Variants in GRIP2 observed in about 807,000 individuals in gnomAD.
The protein encoded by GRIP2 is glutamate receptor-interacting protein 2.
GRIP2 carries 58 observed loss-of-function variants against 108.3 expected under a neutral mutation model. The ratio of observed to expected loss-of-function variants is 0.54; its 90% CI spans 0.43 to 0.67. The LOEUF (loss-of-function observed/expected upper bound fraction) is 0.67, where lower values mean the gene tolerates loss of function less well. Among genes scored for constraint, GRIP2 ranks in the 30% least tolerant of loss-of-function variants. GRIP2 has a pLI of 0.00. For missense variants in GRIP2, 1,278 were observed against 1,430.6 expected (o/e 0.89, Z 1.72); for synonymous variants, 586 against 598.2 (o/e 0.98, Z 0.30).
intron 9 of GRIP2, among the ~76,000 whole-genome samples, chr3:14,519,057 GA>G (rs1203527765): frequency 6.6e-6 from 1 of 152,238 alleles, no homozygotes; most frequent in African/African-American, 2.4e-5. Flanking sequence ...GAGGTGTCAT[GA>G]GGAAGTAATG....
the GRIP2 span, among the ~76,000 whole-genome samples, chr3:14,568,230 G>A: frequency 6.6e-6 from 1 of 152,222 alleles, no homozygotes; most frequent in Non-Finnish European, 1.5e-5. Context: ...GCAGGGGAGG[G>A]ACAGACTGAG....
intron 22 of GRIP2, among the ~76,000 whole-genome samples, chr3:14,495,598 G>T (rs1574985702): frequency 6.6e-6 from 1 of 152,004 alleles, no homozygotes; most frequent in South Asian, 2.1e-4. Flanking sequence ...GTAGAGGCAG[G>T]GTTTCACCAT....
chr3:14,571,650 C>T, the GRIP2 span, among the ~76,000 whole-genome samples: 10 of 152,168 alleles, frequency 6.6e-5, 1 homozygote, highest in Non-Finnish European at 4.4e-5. Flanking sequence ...GAACCGTCAC[C>T]TGGCAGGGGA....
chr3:14,560,475 C>T (rs1695301560), upstream of GRIP2, among the ~76,000 whole-genome samples: 1 of 152,098 alleles, frequency 6.6e-6, no homozygotes, highest in South Asian at 2.1e-4. Flanking sequence ...CCAAAGCAGA[C>T]CAAGTAGCCT....
At chr3:14,586,667 T>C in the GRIP2 span, among the ~76,000 whole-genome samples, 1 of 152,154 alleles carries the variant, frequency 6.6e-6, no homozygotes, top group African/African-American at 2.4e-5. Flanking sequence ...AAATGACAAG[T>C]GTAAGAAATA....
rs1176870428 is a variant in GRIP2 at position 14,496,473 on chromosome 3, C to T, written c.2767G>A (p.Ala923Thr). Residue 923 changes from alanine (A) to threonine (T), a missense_variant, in exon 22 of 24, where the codon GCC becomes ACC. Coordinates refer to ENST00000621039, the MANE Select transcript of GRIP2 (RefSeq NM_001080423.4). ...RPWQRGREVRASPAEMEELLL... is the reference protein window; with the variant it reads ...RPWQRGREVRTSPAEMEELLL... ...AGCTCCTCCATTTCTGCAGGAGAGG[C>T]TCGTACCTCCCGGCCCCTCTGCCAA... 1 of 1,612,286 alleles carries T rather than the reference C, an allele frequency of 6.2e-7. No individual in the cohort carries two copies. Among genetic ancestry groups the T allele is most frequent in the Non-Finnish European group, 8.5e-7 (1 of 1,179,364 alleles).
chr3:14,568,075 G>C, the GRIP2 span, among the ~76,000 whole-genome samples: 1 of 152,224 alleles, frequency 6.6e-6, no homozygotes, highest in East Asian at 1.9e-4. Context: ...AAGGATGTCA[G>C]TGGGGTCCCA....
the GRIP2 span, among the ~76,000 whole-genome samples, chr3:14,565,963 C>A: frequency 2.0e-5 from 3 of 152,362 alleles, no homozygotes; most frequent in Admixed American, 6.5e-5. Flanking sequence ...TTGCTAGTGG[C>A]AGGGCCATCT....
At chr3:14,495,121 C>T in intron 22 of GRIP2, 132 bp from the exon 23 acceptor site, 2 of 1,186,888 alleles carry the variant, frequency 1.7e-6, no homozygotes, top group Non-Finnish European at 2.4e-6. Context: ...AGCACCCCAG[C>T]CTCTTGCCCC....
At position 14,511,424 on chromosome 3, in the gene GRIP2, G is replaced by A. The variant is rs200349691; in HGVS notation, c.1776C>T (p.Ser592=). The A allele has an allele frequency of 2.2e-4, 351 of 1,613,936 alleles. No individual in the cohort carries two copies. Among genetic ancestry groups the A allele is most frequent in the Non-Finnish European group, 2.6e-4 (305 of 1,179,876 alleles). The change falls in exon 15 of 24, where the codon AGC becomes AGT. Residue 592 remains serine (S), a synonymous_variant. Coordinates refer to ENST00000621039, the MANE Select transcript of GRIP2 (RefSeq NM_001080423.4). This position sits in a 1 kb window ranked among gnomAD's most constrained non-coding sequence, Gnocchi z 4.1. ...CCCAGTGCCCCTACCTGTGTGCCAC[G>A]CTGCCTTTCTTGATGTCGGAGATGA... The part of the protein sequence containing the change: ...PLIISDIKKG[S]VAHRTGTLEP...
intron 1 of GRIP2, among the ~76,000 whole-genome samples, chr3:14,529,233 C>T (rs978827281): frequency 6.8e-6 from 1 of 148,074 alleles, no homozygotes; most frequent in African/African-American, 2.5e-5. Flanking sequence ...GAGCCGAGAC[C>T]GTGCCACTGC....
chr3:14,542,895 T>C (rs1214426928), upstream of GRIP2, among the ~76,000 whole-genome samples: 1 of 152,158 alleles, frequency 6.6e-6, no homozygotes, highest in East Asian at 1.9e-4. Context: ...TGGAGCCAAG[T>C]TTCACACTCA....
the GRIP2 span, chr3:14,574,540 A>T: frequency 1.3e-6 from 1 of 743,372 alleles, no homozygotes; most frequent in East Asian, 2.5e-5. Flanking sequence ...GCCTTCTCCC[A>T]GTCCTTGAGT....
chr3:14,507,638 C>T lies in GRIP2; in HGVS notation c.2141G>A (p.Arg714Gln), dbSNP rs748227589. 6 of 1,613,892 alleles carry T rather than the reference C, an allele frequency of 3.7e-6. No individual in the cohort carries two copies. The highest frequency in any genetic ancestry group is 1.7e-5 in the Admixed American group (1 of 60,008). ...LAINNVSLKGRPLSEAIHLLQ... is the reference protein window; with the variant it reads ...LAINNVSLKGQPLSEAIHLLQ... ...GAGGTGGATGGCCTCGCTCAGCGGC[C>T]GGCCCTTGAGGCTAACGTTGTTGAT... The change falls in exon 18 of 24, where the codon CGG becomes CAG. Residue 714 changes from arginine (R) to glutamine (Q), a missense_variant. By Grantham distance (43) the Arg-to-Gln change is conservative. Transcript: ENST00000621039. The surrounding 1 kb of genome is among the most constrained non-coding windows in gnomAD (Gnocchi z 4.6).
intron 10 of GRIP2, 91 bp from the exon 11 acceptor site, chr3:14,517,304 G>A (rs895675311): frequency 1.5e-6 from 2 of 1,311,550 alleles, no homozygotes; most frequent in Non-Finnish European, 2.0e-6. Context: ...CAACCACAGG[G>A]AGAGATGGGG....
At chr3:14,580,266 C>T in the GRIP2 span, among the ~76,000 whole-genome samples, 2 of 152,230 alleles carry the variant, frequency 1.3e-5, no homozygotes, top group Non-Finnish European at 1.5e-5. Context: ...TCTGCTAAGG[C>T]CCCATGGCCT....
At position 14,496,918 on chromosome 3, in the gene GRIP2, T is replaced by C. The variant is rs73136817; in HGVS notation, c.2680-358A>G. ...GAAACTGTTTGTCTCCTTAGAGATA[T>C]AAAAAAGATTTGAACCCAGAGTCTA... On this transcript the variant is annotated intron_variant, in intron 21 of 23. Transcript: ENST00000621039. Among the ~76,000 whole-genome samples the C allele has an allele frequency of 7.8e-3, 1,172 of 151,078 alleles. 15 individuals carry two copies. The highest frequency in any genetic ancestry group is 0.026 in the African/African-American group (1,087 of 41,122).
rs1266989268 is a variant in GRIP2, at chr3:14,524,676, G to A, written c.258-138C>T. 8 of 976,206 alleles carry A rather than the reference G, an allele frequency of 8.2e-6. No homozygotes were observed. In the Admixed American group the frequency reaches 1.5e-4, roughly 19 times the overall value. The allele number at this position is 976,206 out of a possible 1,614,324, so 60.5% of individuals were successfully genotyped here. ...AATGGGGAAGCTGAGGCTTAGAGAG[G>A]TCAGACAGTTGTCCAGGGTCACACA... is the stretch of plus-strand genomic sequence containing the variant. On this transcript the variant is annotated intron_variant, in intron 3 of 23. Coordinates refer to ENST00000621039, the MANE Select transcript of GRIP2 (RefSeq NM_001080423.4).
chr3:14,520,946 C>T lies in GRIP2; in HGVS notation c.713-409G>A, dbSNP rs543091430. Reference sequence around the variant, plus strand: ...ACTTTGGCCGCACCCTTAGCTCCTGCCCTCGCCCACCCATGTCTAAATCTC... The same window carrying T: ...ACTTTGGCCGCACCCTTAGCTCCTGTCCTCGCCCACCCATGTCTAAATCTC... On this transcript the variant is annotated intron_variant, in intron 7 of 23. Coordinates refer to ENST00000621039, the MANE Select transcript of GRIP2 (RefSeq NM_001080423.4). The T allele has an allele frequency of 4.7e-5, 10 of 211,820 alleles. No homozygotes were observed. The South Asian group carries it at 6.5e-4, about 14-fold the overall frequency. 13.1% of individuals were successfully genotyped at this position (211,820 alleles called of 1,614,324 possible).
Sources: allele counts gnomAD v4.1 joint callset (sites outside exome capture counted in the v4.1 genomes callset), GRCh38; gene constraint gnomAD v4.1.1; non-coding constraint Gnocchi (gnomAD v3.1); transcripts MANE v1.5; gene names NCBI Gene and HGNC (gene_info 2026-07-23, HGNC 2026-07-21).